IWS1: variants seen among roughly 807,000 people sequenced by gnomAD.
The protein encoded by IWS1 is interacts with SUPT6H, CTD assembly factor 1, also known as protein IWS1 homolog.
Under a neutral mutation model 86.7 loss-of-function variants are expected in IWS1, and 27 were observed. The observed-to-expected ratio is 0.31, with a 90% CI of 0.23 to 0.43. The LOEUF is 0.43. Ranked by LOEUF, IWS1 falls within the 20% of genes least tolerant of loss-of-function variation. The pLI, the probability that IWS1 is intolerant of heterozygous loss-of-function variation, is 1.00. For missense variants in IWS1, 827 were observed against 1,000.8 expected (o/e 0.83, Z 2.34); for synonymous variants, 313 against 335.1 (o/e 0.93, Z 0.72).
At chr2:127,485,309 CT>C (rs1558738578) in intron 13 of IWS1, among the ~76,000 whole-genome samples, 19 of 152,326 alleles carry the variant, frequency 1.2e-4, no homozygotes, top group African/African-American at 4.3e-4. Context: ...CACACACACA[CT>C]GTGTGTGCTC....
At chr2:127,495,960 G>C in intron 7 of IWS1, 38 bp downstream of exon 7, 1 of 1,534,840 alleles carries the variant, frequency 6.5e-7, no homozygotes, top group Non-Finnish European at 8.8e-7. Flanking sequence ...AACTCAGTGG[G>C]AGGAAAAAAA....
At chr2:127,518,966 T>C (rs770220820) in intron 2 of IWS1, among the ~76,000 whole-genome samples, 2 of 152,220 alleles carry the variant, frequency 1.3e-5, no homozygotes, top group African/African-American at 2.4e-5. Flanking sequence ...CAGTACTGGT[T>C]TTTCCTTTTC....
chr2:127,509,143 A>G (rs1691305961), intron 2 of IWS1, among the ~76,000 whole-genome samples: 1 of 152,280 alleles, frequency 6.6e-6, no homozygotes, highest in East Asian at 1.9e-4. Context: ...CTTAGACAAC[A>G]CCACCACAGA....
chr2:127,518,588 A>G (rs1462329290), intron 2 of IWS1, among the ~76,000 whole-genome samples: 1 of 133,210 alleles, frequency 7.5e-6, no homozygotes, highest in East Asian at 2.2e-4. Flanking sequence ...TTTTTGAGGC[A>G]GAGTTTTGCT....
At chr2:127,523,876 CG>C (rs1553440794) in intron 1 of IWS1, 85 bp from the exon 2 acceptor site, 8 of 926,160 alleles carry the variant, frequency 8.6e-6, no homozygotes, top group Non-Finnish European at 8.4e-6. Flanking sequence ...TCAAGAATAA[CG>C]TAAGTGCAAA....
chr2:127,493,172 C>T (rs1230765719), intron 9 of IWS1, 109 bp downstream of exon 9: 7 of 979,238 alleles, frequency 7.1e-6, no homozygotes, highest in Non-Finnish European at 9.9e-6. Context: ...CCTCTTCTGG[C>T]AGGCTGTAGC....
chr2:127,509,784 A>G (rs991647293), intron 2 of IWS1, among the ~76,000 whole-genome samples: 2 of 149,968 alleles, frequency 1.3e-5, no homozygotes, highest in Non-Finnish European at 3.0e-5. Context: ...CACTGCAGTT[A>G]TAAATCACTG....
chr2:127,525,028 T>C (rs942264936), intron 1 of IWS1, among the ~76,000 whole-genome samples: 40 of 144,890 alleles, frequency 2.8e-4, no homozygotes, highest in African/African-American at 1.0e-3. Flanking sequence ...CCTGAGTAAC[T>C]GGGACTACAG....
chr2:127,526,800 A>G, upstream of IWS1: 1 of 817,950 alleles, frequency 1.2e-6, no homozygotes, highest in Non-Finnish European at 1.8e-6. Flanking sequence ...CAGCCAAACC[A>G]CTGTCTTTCC....
intron 13 of IWS1, among the ~76,000 whole-genome samples, chr2:127,483,586 TGGGGTGGG>T (rs1689761139): frequency 5.8e-5 from 1 of 17,104 alleles, no homozygotes; most frequent in African/African-American, 2.4e-4. Flanking sequence ...CGGGGGGTGG[TGGGGTGGG>T]GGGGTTGGGC....
upstream of IWS1, chr2:127,526,619 G>C (rs766123040): frequency 7.4e-7 from 1 of 1,346,796 alleles, no homozygotes; most frequent in South Asian, 1.2e-5. Context: ...GCTGGAACTC[G>C]GGCTTTAGTT....
upstream of IWS1, chr2:127,526,651 C>T (rs532885755): frequency 1.5e-6 from 2 of 1,324,188 alleles, no homozygotes; most frequent in Non-Finnish European, 2.0e-6. Context: ...TCGGGTGGAT[C>T]CTGGTCTGAC....
At chr2:127,508,909 C>G (rs566090416) in intron 2 of IWS1, among the ~76,000 whole-genome samples, 1 of 152,290 alleles carries the variant, frequency 6.6e-6, no homozygotes, top group South Asian at 2.1e-4. Context: ...AAAACTCACC[C>G]GCTACACTCT....
chr2:127,490,174 G>A (rs1456924810), intron 10 of IWS1, among the ~76,000 whole-genome samples: 3 of 152,100 alleles, frequency 2.0e-5, no homozygotes, highest in Admixed American at 1.3e-4. Flanking sequence ...GAGATTTAAA[G>A]AAAGTAACAT....
chr2:127,511,835 A>G (rs1358279592), intron 2 of IWS1, among the ~76,000 whole-genome samples: 1 of 152,248 alleles, frequency 6.6e-6, no homozygotes, highest in Non-Finnish European at 1.5e-5. Flanking sequence ...AAAAGAACTA[A>G]TAAGAAATAG....
At chr2:127,515,960 T>G (rs948058119) in intron 2 of IWS1, among the ~76,000 whole-genome samples, 5 of 152,148 alleles carry the variant, frequency 3.3e-5, no homozygotes, top group Non-Finnish European at 1.5e-5. Context: ...AAGTGGAGAT[T>G]CCCATCTTTT....
intron 2 of IWS1, among the ~76,000 whole-genome samples, chr2:127,510,159 A>C (rs1573549649): frequency 1.3e-5 from 2 of 152,206 alleles, no homozygotes; most frequent in South Asian, 4.1e-4. Flanking sequence ...ATTTTCAAAA[A>C]CATGTTTCAC....
chr2:127,494,245 T>TAAAA (rs11327472), intron 8 of IWS1, among the ~76,000 whole-genome samples: 47 of 94,004 alleles, frequency 5.0e-4, no homozygotes, highest in Non-Finnish European at 6.5e-4. Context: ...TGTCTCTAAT[T>TAAAA]AAAAAAAAAA....
chr2:127,505,484 T>C lies in IWS1; in HGVS notation c.419A>G (p.Asn140Ser), dbSNP rs1373168861. The C allele has an allele frequency of 6.2e-7, 1 of 1,614,142 alleles. No individual in the cohort carries two copies. The change falls in exon 3 of 14, where the codon AAT becomes AGT. Residue 140 changes from asparagine (N) to serine (S), a missense_variant. Asn to Ser is a conservative substitution (Grantham distance 46). Transcript: ENST00000295321. This position sits in a 1 kb window ranked among gnomAD's most constrained non-coding sequence, Gnocchi z 5.0. Reference sequence around the variant, plus strand: ...GTTTTCTGAGTCACTTGCATGCCCATTAAGAAGTTCCTCATTTTCAGAGTC... The same window carrying C: ...GTTTTCTGAGTCACTTGCATGCCCACTAAGAAGTTCCTCATTTTCAGAGTC... ...GSDSENEELL[N>S]GHASDSENED...
Sources: gnomAD v4.1 joint callset for allele counts (sites outside exome capture counted in the v4.1 genomes callset) on GRCh38, gnomAD v4.1.1 for gene constraint, Gnocchi (gnomAD v3.1) non-coding constraint, MANE v1.5 for transcripts, NCBI Gene and HGNC (gene_info 2026-07-23, HGNC 2026-07-21) for gene names.